The following GRHL2 variants were observed in gnomAD, a reference collection of about 807,000 sequenced individuals.
The protein encoded by GRHL2 is grainyhead-like protein 2 homolog.
GRHL2 carries 21 observed loss-of-function variants against 83.8 expected under a neutral mutation model. The ratio of observed to expected loss-of-function variants is 0.25; its 90% CI spans 0.18 to 0.36. GRHL2 has a LOEUF of 0.36. Among genes scored for constraint, GRHL2 ranks in the 10% least tolerant of loss-of-function variants. The probability of loss-of-function intolerance (pLI) is 1.00; values close to 1 mark genes in which losing one functional copy is unlikely to be tolerated. For missense variants in GRHL2, 623 were observed against 781.8 expected, an observed-to-expected ratio of 0.80 and a Z score of 2.42; for synonymous variants, 280 against 278.9, an observed-to-expected ratio of 1.00 and a Z score of -0.04.
the GRHL2 span, among the ~76,000 whole-genome samples, chr8:101,677,143 C>T: frequency 6.6e-6 from 1 of 151,822 alleles, no homozygotes; most frequent in African/African-American, 2.4e-5. Context: ...AGCACACCAG[C>T]ATGGCACATG....
intron 7 of GRHL2, among the ~76,000 whole-genome samples, chr8:101,581,732 C>G (rs916568113): frequency 2.0e-5 from 3 of 152,136 alleles, no homozygotes; most frequent in African/African-American, 4.8e-5. Flanking sequence ...GTAATTAAGG[C>G]AGAGCCCTGT....
intron 14 of GRHL2, among the ~76,000 whole-genome samples, chr8:101,660,721 A>G (rs1174533075): frequency 6.6e-6 from 1 of 152,128 alleles, no homozygotes; most frequent in Non-Finnish European, 1.5e-5. Flanking sequence ...CAAATTCCTG[A>G]AGTAATTCTT....
intron 9 of GRHL2, among the ~76,000 whole-genome samples, chr8:101,620,668 T>C (rs533772996): frequency 6.6e-6 from 1 of 152,342 alleles, no homozygotes; most frequent in Non-Finnish European, 1.5e-5. Flanking sequence ...ACCTGTGTGA[T>C]ATCAGCATTT....
intron 14 of GRHL2, among the ~76,000 whole-genome samples, chr8:101,654,401 A>G (rs900725963): frequency 6.6e-6 from 1 of 152,218 alleles, no homozygotes; most frequent in Non-Finnish European, 1.5e-5. Flanking sequence ...TGAGCAGATG[A>G]TGGCAATGAT....
At chr8:101,566,113 T>C (rs523352) in intron 4 of GRHL2, among the ~76,000 whole-genome samples, 147,142 of 152,274 alleles carry the variant, frequency 0.97, 71,133 homozygotes, top group African/African-American at 0.98. Context: ...GGCCTCACTT[T>C]GGATTAATGC....
chr8:101,638,316 G>T (rs536721580), intron 12 of GRHL2, among the ~76,000 whole-genome samples: 8 of 152,252 alleles, frequency 5.3e-5, no homozygotes, highest in African/African-American at 1.9e-4. Context: ...CAGGCCCACC[G>T]CCTATTTTAG....
rs1253301940 is a variant in GRHL2, at chr8:101,558,591, T to A, written c.457T>A (p.Ser153Thr). 1.9e-6 allele frequency: 3 copies of A among 1,613,718 alleles called. No homozygotes were observed. Among genetic ancestry groups the A allele is most frequent in the Admixed American group, 3.3e-5 (2 of 59,968 alleles). Reference protein sequence around the residue: ...FPESSAIIPVSGITVVKAEDF... With the variant: ...FPESSAIIPVTGITVVKAEDF... ...CGAGAGCTCTGCCATCATCCCGGTG[T>A]CGGGAATCACGGTGGTGAAAGCTGA... The change falls in exon 4 of 16, where the codon TCG (serine) becomes ACG (threonine). Residue 153 changes from serine to threonine, a missense_variant. By Grantham distance (58) the Ser-to-Thr change is moderately conservative. Coordinates refer to ENST00000646743, the MANE Select transcript of GRHL2 (RefSeq NM_024915.4).
intron 4 of GRHL2, among the ~76,000 whole-genome samples, chr8:101,570,014 G>T (rs924576208): frequency 4.6e-5 from 7 of 152,140 alleles, no homozygotes; most frequent in African/African-American, 1.4e-4. Flanking sequence ...ATGACATTTG[G>T]AATAAGTGTT....
intron 8 of GRHL2, among the ~76,000 whole-genome samples, chr8:101,602,050 C>T (rs1464131866): frequency 3.3e-5 from 5 of 152,132 alleles, no homozygotes; most frequent in African/African-American, 4.8e-5. Context: ...TTGTTCAGCT[C>T]CCACTTATGA....
rs184412526 is a variant in GRHL2, at chr8:101,580,748, G to A, written c.1003+3229G>A. Among the ~76,000 whole-genome samples, 9 of 152,148 alleles carry A rather than the reference G, an allele frequency of 5.9e-5. No homozygotes were observed. In the East Asian group the frequency reaches 1.7e-3, roughly 29 times the overall value. On this transcript the variant is annotated intron_variant, in intron 7 of 15. Coordinates refer to ENST00000646743, the MANE Select transcript of GRHL2 (RefSeq NM_024915.4). The stretch of plus-strand genomic sequence containing the variant: ...AGACGGCATCTTGCTCTGTCACCCA[G>A]GCTGGAGTGCGGTGGCATGATCTCG...
chr8:101,568,205 C>G (rs937037778), intron 4 of GRHL2, among the ~76,000 whole-genome samples: 1 of 152,114 alleles, frequency 6.6e-6, no homozygotes, highest in African/African-American at 2.4e-5. Context: ...CAGTCTAATC[C>G]ACTTAAATTT....
At chr8:101,505,177 C>T (rs1420663108) in intron 1 of GRHL2, among the ~76,000 whole-genome samples, 6 of 152,156 alleles carry the variant, frequency 3.9e-5, no homozygotes, top group African/African-American at 1.4e-4. Flanking sequence ...CCACTCCCAA[C>T]TGGCCCTCCC....
chr8:101,567,761 T>A (rs535779615), intron 4 of GRHL2, among the ~76,000 whole-genome samples: 115 of 152,334 alleles, frequency 7.5e-4, no homozygotes, highest in Non-Finnish European at 1.2e-3. Flanking sequence ...TGAAGATTTG[T>A]AGTATCATAC....
At chr8:101,499,029 T>G (rs1282965316) in intron 1 of GRHL2, among the ~76,000 whole-genome samples, 2 of 150,828 alleles carry the variant, frequency 1.3e-5, no homozygotes, top group Non-Finnish European at 2.9e-5. Context: ...GAGCTGAGAT[T>G]GTGCCACTGC....
At chr8:101,492,893 T>C (rs1809994339) in intron 1 of GRHL2, 104 bp downstream of exon 1, 12 of 1,093,196 alleles carry the variant, frequency 1.1e-5, no homozygotes, top group Non-Finnish European at 1.7e-5. Flanking sequence ...TTGGTATTTT[T>C]CTTTCTTTTT....
chr8:101,558,911 C>T (rs1031958096), intron 4 of GRHL2, 99 bp downstream of exon 4: 1 of 1,264,876 alleles, frequency 7.9e-7, no homozygotes, highest in Non-Finnish European at 1.1e-6. Flanking sequence ...AATTAAACAG[C>T]AAGTTTTAGC....
intron 8 of GRHL2, among the ~76,000 whole-genome samples, chr8:101,603,799 C>T (rs985064658): frequency 1.1e-4 from 16 of 152,072 alleles, no homozygotes; most frequent in Admixed American, 3.9e-4. Flanking sequence ...TGTGAACAGG[C>T]GTCCCTGGGC....
intron 1 of GRHL2, among the ~76,000 whole-genome samples, chr8:101,536,719 T>G (rs1224920183): frequency 6.6e-6 from 1 of 152,192 alleles, no homozygotes; most frequent in Non-Finnish European, 1.5e-5. Flanking sequence ...AACTGATGAT[T>G]AGCTTAGTGT....
intron 14 of GRHL2, among the ~76,000 whole-genome samples, chr8:101,658,795 TCCAAGTAA>T (rs1563630944): frequency 6.6e-6 from 1 of 152,070 alleles, no homozygotes; most frequent in Non-Finnish European, 1.5e-5. Context: ...AAAAAGAAGT[TCCAAGTAA>T]CCCTAACCAA....
Sources: gnomAD v4.1 joint callset for allele counts (sites outside exome capture counted in the v4.1 genomes callset) on GRCh38, gnomAD v4.1.1 for gene constraint, MANE v1.5 for transcripts, NCBI Gene and HGNC (gene_info 2026-07-23, HGNC 2026-07-21) for gene names.